ADAM9: variants seen among roughly 807,000 people sequenced by gnomAD.
ADAM9 encodes disintegrin and metalloproteinase domain-containing protein 9.
A neutral mutation model predicts 108.1 loss-of-function variants in ADAM9; 54 were observed. The observed-to-expected ratio is 0.50, with a 90% CI of 0.40 to 0.63. The LOEUF is 0.63. ADAM9 is among the 20% of genes least tolerant of loss of function. ADAM9 has a pLI of 0.00. For missense variants in ADAM9, 830 were observed against 997.7 expected, an observed-to-expected ratio of 0.83 and a Z score of 2.26; for synonymous variants, 316 against 336.0, an observed-to-expected ratio of 0.94 and a Z score of 0.65.
chr8:38,997,271 C>T, intron 1 of ADAM9, 111 bp downstream of exon 1: 3 of 1,295,632 alleles, frequency 2.3e-6, no homozygotes, highest in Non-Finnish European at 3.2e-6. Flanking sequence ...GGATCGGACC[C>T]GGGGTCGGGG....
At chr8:39,064,844 C>A (rs1838405389) in intron 14 of ADAM9, among the ~76,000 whole-genome samples, 1 of 152,138 alleles carries the variant, frequency 6.6e-6, no homozygotes, top group Admixed American at 6.5e-5. Context: ...TTTTCTGTCA[C>A]AGTTTTGAAG....
intron 11 of ADAM9, among the ~76,000 whole-genome samples, chr8:39,035,357 T>A (rs1411967932): frequency 6.6e-6 from 1 of 152,262 alleles, no homozygotes; most frequent in Non-Finnish European, 1.5e-5. Flanking sequence ...CTTTTGTCTC[T>A]GATCATAGTA....
chr8:39,039,348 G>T (rs1837383998), intron 11 of ADAM9, among the ~76,000 whole-genome samples: 1 of 152,144 alleles, frequency 6.6e-6, no homozygotes, highest in Non-Finnish European at 1.5e-5. Context: ...TGGTGAAATG[G>T]TTAGTCAAGC....
In ADAM9 at chr8:39,077,408, A is replaced by G; in HGVS notation, c.1878A>G (p.Gly626=). 1 of 1,607,874 alleles carries G rather than the reference A, an allele frequency of 6.2e-7. No individual in the cohort carries two copies. Among genetic ancestry groups the G allele is most frequent in the Non-Finnish European group, 8.5e-7 (1 of 1,177,088 alleles). Residue 626 remains glycine, a synonymous_variant, in exon 16 of 22, where the codon GGA becomes GGG. Transcript: ENST00000487273. Reference sequence around the variant, plus strand: ...ACGAAGGCACAAAATGTGGTGCTGGAAAGGTAATCAAAATATTTTTTATTT... The same window carrying G: ...ACGAAGGCACAAAATGTGGTGCTGGGAAGGTAATCAAAATATTTTTTATTT... ...MVNEGTKCGA[G]KICRNFQCVD...
chr8:39,037,923 G>A (rs904540846), intron 11 of ADAM9, among the ~76,000 whole-genome samples: 1 of 152,152 alleles, frequency 6.6e-6, no homozygotes. Context: ...CCTAAAATGT[G>A]ATCTACCCAT....
Position 39,091,359 on chromosome 8 carries a change from T to A in ADAM9, c.2298+13T>A. The A allele has an allele frequency of 6.2e-7, 1 of 1,606,812 alleles. No individual in the cohort carries two copies. On this transcript the variant is annotated intron_variant, in intron 20 of 21. Coordinates refer to ENST00000487273, the MANE Select transcript of ADAM9 (RefSeq NM_003816.3). ...TCCCAGAGAAGTTGTAAGTATAAAA[T>A]GAAAAATTATTTTTCTTTACTGTAT...
chr8:39,032,072 G>A (rs1038445667), intron 11 of ADAM9, among the ~76,000 whole-genome samples: 1 of 152,226 alleles, frequency 6.6e-6, no homozygotes, highest in Admixed American at 6.5e-5. Flanking sequence ...CCGCCTGTGT[G>A]AGGTGTCATT....
intron 18 of ADAM9, among the ~76,000 whole-genome samples, chr8:39,085,494 C>T (rs991663584): frequency 6.6e-6 from 1 of 152,118 alleles, no homozygotes; most frequent in East Asian, 1.9e-4. Context: ...TTTCCTTTTA[C>T]ATTTCTTATA....
chr8:39,088,968 G>T (rs543625692), intron 18 of ADAM9, among the ~76,000 whole-genome samples: 26 of 152,292 alleles, frequency 1.7e-4, no homozygotes, highest in Admixed American at 1.2e-3. Flanking sequence ...AAAAAAGTGA[G>T]GCCAGGCACG....
At chr8:39,050,703 A>G (rs114001866) in intron 12 of ADAM9, among the ~76,000 whole-genome samples, 1 of 152,114 alleles carries the variant, frequency 6.6e-6, no homozygotes, top group Non-Finnish European at 1.5e-5. Flanking sequence ...AGTGTCTACA[A>G]TATGCTGGAG....
At chr8:39,023,736 G>GTT (rs1836824287) in intron 9 of ADAM9, among the ~76,000 whole-genome samples, 3 of 119,502 alleles carry the variant, frequency 2.5e-5, no homozygotes, top group South Asian at 2.6e-4. Context: ...TTTCTTTTGC[G>GTT]TTTGTTTTTT....
Position 38,997,379 on chromosome 8 carries a change from C to T in ADAM9, c.97+219C>T, listed in dbSNP as rs142263529. On this transcript the variant is annotated intron_variant, in intron 1 of 21. Coordinates refer to ENST00000487273, the MANE Select transcript of ADAM9 (RefSeq NM_003816.3). ...TTGGCCCGGGTCCTCTGCCCGGCAC[C>T]GCTTCCTCCGTGTCCTGTTCGATGG... Among the ~76,000 whole-genome samples the T allele has an allele frequency of 3.0e-3, 457 of 152,258 alleles. 2 individuals carry two copies. The highest frequency in any genetic ancestry group is 0.01 in the African/African-American group (418 of 41,550).
chr8:39,055,744 T>C lies in ADAM9; in HGVS notation c.1563T>C (p.Asp521=), dbSNP rs1564321569. Reference sequence around the variant, plus strand: ...ACAACGGCATGTGCCAGTATTATGATGCTCAATGTCAAGTCATCTTTGGCT... The same window carrying C: ...ACAACGGCATGTGCCAGTATTATGACGCTCAATGTCAAGTCATCTTTGGCT... ...YCYNGMCQYY[D]AQCQVIFGSK... is the part of the protein sequence containing the mutation. The change falls in exon 14 of 22, where the codon GAT becomes GAC. Residue 521 remains aspartate (D), a synonymous_variant. Coordinates refer to ENST00000487273, the MANE Select transcript of ADAM9 (RefSeq NM_003816.3). 1.2e-6 allele frequency: 2 copies of C among 1,613,586 alleles called. No homozygotes were observed. Among genetic ancestry groups the C allele is most frequent in the East Asian group, 4.5e-5 (2 of 44,860 alleles).
At chr8:39,092,899 C>A (rs931339815) in intron 20 of ADAM9, among the ~76,000 whole-genome samples, 1 of 152,110 alleles carries the variant, frequency 6.6e-6, no homozygotes, top group African/African-American at 2.4e-5. Context: ...TTGGCACCTT[C>A]GTTGAAGATT....
chr8:39,023,804 T>C (rs1326484672), intron 9 of ADAM9, among the ~76,000 whole-genome samples: 1 of 141,064 alleles, frequency 7.1e-6, no homozygotes, highest in Non-Finnish European at 1.5e-5. Flanking sequence ...CAGAGTGCAG[T>C]GGCACGATCT....
intron 8 of ADAM9, among the ~76,000 whole-genome samples, chr8:39,022,948 G>A (rs1246770146): frequency 6.6e-6 from 1 of 152,086 alleles, no homozygotes; most frequent in African/African-American, 2.4e-5. Context: ...CCTGATCTCC[G>A]GTGATCCAAC....
At chr8:39,073,052 C>T (rs993182287) in intron 15 of ADAM9, among the ~76,000 whole-genome samples, 5 of 152,170 alleles carry the variant, frequency 3.3e-5, no homozygotes, top group Non-Finnish European at 7.3e-5. Flanking sequence ...TTCATCCATA[C>T]AGACTAATAT....
At chr8:39,055,842 G>A (rs1838104744) in intron 14 of ADAM9, 70 bp downstream of exon 14, 31 of 1,452,592 alleles carry the variant, frequency 2.1e-5, no homozygotes, top group Non-Finnish European at 2.3e-5. Flanking sequence ...TTTAAAAAAG[G>A]TAATGAAACA....
intron 20 of ADAM9, among the ~76,000 whole-genome samples, chr8:39,097,256 T>C (rs1839535439): frequency 6.6e-6 from 1 of 152,012 alleles, no homozygotes; most frequent in Non-Finnish European, 1.5e-5. Context: ...GGAGGTTTGC[T>C]AGTTTCTACT....
Sources: allele counts gnomAD v4.1 joint callset (sites outside exome capture counted in the v4.1 genomes callset), GRCh38; gene constraint gnomAD v4.1.1; transcripts MANE v1.5; gene names NCBI Gene and HGNC (gene_info 2026-07-23, HGNC 2026-07-21).